KLHDC10: variants seen among roughly 807,000 people sequenced by gnomAD.
KLHDC10 encodes kelch domain containing 10, also known as kelch domain-containing protein 10.
In KLHDC10, 24 loss-of-function variants were observed where a neutral mutation model predicts 56.1. The ratio of observed to expected loss-of-function variants is 0.43; its 90% CI spans 0.31 to 0.60. The LOEUF (loss-of-function observed/expected upper bound fraction) is 0.60. KLHDC10 is among the 20% of genes least tolerant of loss of function. KLHDC10 has a pLI of 0.11. For missense variants in KLHDC10, 349 were observed against 567.0 expected (o/e 0.62, Z 3.91); for synonymous variants, 188 against 207.1 (o/e 0.91, Z 0.79).
Position 130,116,460 on chromosome 7 carries a change from C to A in KLHDC10, c.269C>A (p.Pro90Gln). The change falls in exon 3 of 10, where the codon CCA becomes CAA. Residue 90 changes from proline to glutamine, a missense_variant. This residue lies in a region of KLHDC10 where 245 missense variants were observed against 470.1 expected (regional missense o/e 0.52). Coordinates refer to ENST00000335420, the MANE Select transcript of KLHDC10 (RefSeq NM_014997.4). The surrounding 1 kb of genome is among the most constrained non-coding windows in gnomAD (Gnocchi z 4.8). Reference sequence around the variant, plus strand: ...TCTCTCCTAGGCCACAGACCTCCACCAGCACGAAGTGGACATCGTTGTGTG... The same window carrying A: ...TCTCTCCTAGGCCACAGACCTCCACAAGCACGAAGTGGACATCGTTGTGTG... The part of the protein sequence containing the change: ...NRFLRGHRPP[P>Q]ARSGHRCVAD... 1 of 1,613,552 alleles carries A rather than the reference C, an allele frequency of 6.2e-7. No homozygotes were observed.
Position 130,120,867 on chromosome 7 carries a change from C to A in KLHDC10, c.594C>A (p.Ser198Arg). ...NVKYKRWALLSCRGKKPSRIY... is the reference protein window; with the variant it reads ...NVKYKRWALLRCRGKKPSRIY... Reference sequence around the variant, plus strand: ...AGTATAAGAGATGGGCTTTGCTCAGCTGTCGGGGGAAGAAACCCAGTCGTA... The same window carrying A: ...AGTATAAGAGATGGGCTTTGCTCAGATGTCGGGGGAAGAAACCCAGTCGTA... Residue 198 changes from serine (S) to arginine (R), a missense_variant, in exon 4 of 10, where the codon AGC (serine) becomes AGA (arginine). By Grantham distance (110) the Ser-to-Arg change is moderately radical. Around this residue, in one of 2 missense-constraint regions of KLHDC10, gnomAD observed 245 missense variants for 470.1 expected, o/e 0.52. Coordinates refer to ENST00000335420, the MANE Select transcript of KLHDC10 (RefSeq NM_014997.4). The surrounding 1 kb of genome is among the most constrained non-coding windows in gnomAD (Gnocchi z 5.1). 6.2e-7 allele frequency: 1 copy of A among 1,614,086 alleles called. No individual in the cohort carries two copies. The highest frequency in any genetic ancestry group is 8.5e-7 in the Non-Finnish European group (1 of 1,179,988).
chr7:130,108,332 G>T (rs1796045373), intron 2 of KLHDC10, among the ~76,000 whole-genome samples: 1 of 152,014 alleles, frequency 6.6e-6, no homozygotes, highest in South Asian at 2.1e-4. Context: ...AATCCTCAAG[G>T]GACTTTTTAA....
At chr7:130,107,812 C>A (rs1428333017) in intron 2 of KLHDC10, among the ~76,000 whole-genome samples, 1 of 124,340 alleles carries the variant, frequency 8.0e-6, no homozygotes, top group Non-Finnish European at 1.6e-5. Flanking sequence ...TCACTGCACT[C>A]TAGCCTGGGC....
intron 1 of KLHDC10, among the ~76,000 whole-genome samples, chr7:130,089,877 T>C (rs562101925): frequency 6.6e-6 from 1 of 152,120 alleles, no homozygotes; most frequent in Non-Finnish European, 1.5e-5. Flanking sequence ...TCTGATTCAA[T>C]AGTTTTCATT....
chr7:130,076,407 C>T lies in KLHDC10; in HGVS notation c.166+5598C>T, dbSNP rs897756783. Among the ~76,000 whole-genome samples, 6 of 151,968 alleles carry T rather than the reference C, an allele frequency of 3.9e-5. No homozygotes were observed. In the East Asian group the frequency reaches 7.7e-4, roughly 20 times the overall value. On this transcript the variant is annotated intron_variant, in intron 1 of 9. Coordinates refer to ENST00000335420, the MANE Select transcript of KLHDC10 (RefSeq NM_014997.4). ...GATATTTTTCACAGTTTTTCATTTG[C>T]GTTTTGACTTTGTTTATGGTCTATT...
intron 1 of KLHDC10, among the ~76,000 whole-genome samples, chr7:130,091,557 C>T (rs1292559014): frequency 1.3e-5 from 2 of 152,044 alleles, no homozygotes; most frequent in African/African-American, 2.4e-5. Flanking sequence ...TTACACAATA[C>T]CTCAATTTAT....
Position 130,070,763 on chromosome 7 carries a change from C to G in KLHDC10, c.120C>G (p.Gly40=). The change falls in exon 1 of 10, where the codon GGC becomes GGG. Residue 40 remains glycine (G), a synonymous_variant. Coordinates refer to ENST00000335420, the MANE Select transcript of KLHDC10 (RefSeq NM_014997.4). The part of the protein sequence containing the change: ...GSGGSGGRGT[G]QLNRFVQLSG... ...GGGGCAGCGGGGGTCGGGGGACTGGCCAGCTCAACCGCTTCGTGCAACTCT... is the reference window on the plus strand; with the variant it reads ...GGGGCAGCGGGGGTCGGGGGACTGGGCAGCTCAACCGCTTCGTGCAACTCT... The G allele has an allele frequency of 1.5e-6, 2 of 1,307,728 alleles. No homozygotes were observed. Among genetic ancestry groups the G allele is most frequent in the Non-Finnish European group, 1.9e-6 (2 of 1,026,674 alleles). The allele number at this position is 1,307,728 out of a possible 1,614,324, so 81.0% of individuals were successfully genotyped here.
At chr7:130,107,491 A>G (rs1404563258) in intron 2 of KLHDC10, among the ~76,000 whole-genome samples, 1 of 152,190 alleles carries the variant, frequency 6.6e-6, no homozygotes, top group Non-Finnish European at 1.5e-5. Context: ...TTGTATGGAA[A>G]TTTATAAAGT....
chr7:130,086,674 C>T (rs988075438), intron 1 of KLHDC10, among the ~76,000 whole-genome samples: 4 of 152,150 alleles, frequency 2.6e-5, no homozygotes, highest in African/African-American at 7.2e-5. Context: ...CACATTTAGA[C>T]TTATCTCATG....
chr7:130,090,864 TC>T (rs1057290519), intron 1 of KLHDC10, among the ~76,000 whole-genome samples: 6 of 152,026 alleles, frequency 3.9e-5, no homozygotes, highest in African/African-American at 1.4e-4. Flanking sequence ...ACAGAACAGT[TC>T]CATCACAAGG....
At chr7:130,124,865 C>T (rs1302553263) in intron 6 of KLHDC10, among the ~76,000 whole-genome samples, 3 of 152,116 alleles carry the variant, frequency 2.0e-5, no homozygotes, top group African/African-American at 7.2e-5. Context: ...ATGTCACATC[C>T]GCATCATCAT....
intron 2 of KLHDC10, among the ~76,000 whole-genome samples, chr7:130,097,975 A>G (rs1022966457): frequency 1.3e-4 from 20 of 152,104 alleles, no homozygotes; most frequent in African/African-American, 3.4e-4. Context: ...TGTAATTTAG[A>G]CTGTATTAAA....
chr7:130,077,757 A>G (rs1377016401), intron 1 of KLHDC10, among the ~76,000 whole-genome samples: 1 of 151,544 alleles, frequency 6.6e-6, no homozygotes, highest in African/African-American at 2.4e-5. Flanking sequence ...GGGTTTCACC[A>G]TGTTAGCCAG....
chr7:130,079,316 C>G (rs995416729), intron 1 of KLHDC10, among the ~76,000 whole-genome samples: 1 of 152,028 alleles, frequency 6.6e-6, no homozygotes, highest in African/African-American at 2.4e-5. Flanking sequence ...CCTCGGCCTC[C>G]CAAAGTGCTG....
intron 1 of KLHDC10, among the ~76,000 whole-genome samples, chr7:130,074,262 C>G (rs538168005): frequency 3.3e-5 from 5 of 152,276 alleles, no homozygotes; most frequent in Admixed American, 3.3e-4. Context: ...ACTTCTCTTC[C>G]ATTAGATCTC....
intron 1 of KLHDC10, among the ~76,000 whole-genome samples, chr7:130,077,247 C>T (rs1052870136): frequency 4.0e-4 from 55 of 138,802 alleles, no homozygotes; most frequent in African/African-American, 1.1e-3. Flanking sequence ...CCCAGCTACT[C>T]GGGAGGCTGA....
chr7:130,072,910 C>G (rs1352349312), intron 1 of KLHDC10, among the ~76,000 whole-genome samples: 2 of 152,220 alleles, frequency 1.3e-5, no homozygotes, highest in South Asian at 2.1e-4. Flanking sequence ...CGCCCACCAC[C>G]ACGCCAGGCT....
chr7:130,090,073 G>A (rs1371209327), intron 1 of KLHDC10, among the ~76,000 whole-genome samples: 2 of 151,900 alleles, frequency 1.3e-5, no homozygotes, highest in Admixed American at 6.6e-5. Flanking sequence ...TAGTAGAGAC[G>A]GAGTTTCTCC....
intron 1 of KLHDC10, among the ~76,000 whole-genome samples, chr7:130,089,662 T>G (rs186355516): frequency 6.6e-6 from 1 of 152,192 alleles, no homozygotes; most frequent in African/African-American, 2.4e-5. Context: ...CATTGGAGAA[T>G]AGAGTGAAGG....
Sources: allele counts gnomAD v4.1 joint callset (sites outside exome capture counted in the v4.1 genomes callset), GRCh38; gene constraint gnomAD v4.1.1; regional missense constraint gnomAD v4.1.1; non-coding constraint Gnocchi (gnomAD v3.1); transcripts MANE v1.5; gene names NCBI Gene and HGNC (gene_info 2026-07-23, HGNC 2026-07-21).